The following GLCE variants were observed in gnomAD, a reference collection of about 807,000 sequenced individuals.
The protein encoded by GLCE is D-glucuronyl C5-epimerase.
GLCE carries 19 observed loss-of-function variants against 47.9 expected under a neutral mutation model. The observed-to-expected ratio is 0.40, with a 90% CI of 0.28 to 0.58. The LOEUF (loss-of-function observed/expected upper bound fraction) is 0.58. Ranked by LOEUF, GLCE falls within the 20% of genes least tolerant of loss-of-function variation. GLCE has a pLI of 0.48. For missense variants in GLCE, 556 were observed against 743.3 expected (o/e 0.75, Z 2.93); for synonymous variants, 245 against 263.4 (o/e 0.93, Z 0.68).
chr15:69,223,345 ATTT>A (rs1211697846), intron 2 of GLCE, among the ~76,000 whole-genome samples: 1 of 151,906 alleles, frequency 6.6e-6, no homozygotes. Flanking sequence ...TGTTTGACAG[ATTT>A]TTTTGTTTGT....
chr15:69,247,759 A>C (rs998916094), intron 2 of GLCE, among the ~76,000 whole-genome samples: 1 of 152,188 alleles, frequency 6.6e-6, no homozygotes, highest in Non-Finnish European at 1.5e-5. Context: ...CTCAGAAAAT[A>C]GCAAGGCCCA....
At chr15:69,201,368 T>C (rs1057417046) in intron 1 of GLCE, among the ~76,000 whole-genome samples, 2 of 152,046 alleles carry the variant, frequency 1.3e-5, no homozygotes, top group Admixed American at 6.6e-5. Context: ...TCTTCATTTA[T>C]ACAACAAATT....
intron 1 of GLCE, among the ~76,000 whole-genome samples, chr15:69,184,240 A>T (rs2051790769): frequency 1.3e-5 from 2 of 152,196 alleles, no homozygotes; most frequent in Non-Finnish European, 2.9e-5. Context: ...TTTTTGTTAC[A>T]GCTTCCCAGC....
chr15:69,215,724 A>T (rs928780842), intron 2 of GLCE, among the ~76,000 whole-genome samples: 1 of 152,098 alleles, frequency 6.6e-6, no homozygotes, highest in Admixed American at 6.5e-5. Flanking sequence ...ATATATAAGA[A>T]TTTTTGCTGT....
intron 1 of GLCE, among the ~76,000 whole-genome samples, chr15:69,188,083 C>CA (rs1245568914): frequency 2.7e-4 from 41 of 150,134 alleles, no homozygotes; most frequent in African/African-American, 8.5e-4. Flanking sequence ...AAAACAACAA[C>CA]AACAAAAAAA....
At chr15:69,175,002 G>A (rs1456445326) in intron 1 of GLCE, among the ~76,000 whole-genome samples, 1 of 151,778 alleles carries the variant, frequency 6.6e-6, no homozygotes, top group Non-Finnish European at 1.5e-5. Context: ...AGGATTATAA[G>A]CCCCTTGAAG....
chr15:69,232,366 A>T (rs2052537213), intron 2 of GLCE, among the ~76,000 whole-genome samples: 1 of 152,196 alleles, frequency 6.6e-6, no homozygotes, highest in South Asian at 2.1e-4. Context: ...TGAGATACAT[A>T]TTGTGTTATA....
chr15:69,256,232 G>T lies in GLCE; in HGVS notation c.426G>T (p.Lys142Asn). The T allele has an allele frequency of 1.2e-6, 2 of 1,614,086 alleles. No homozygotes were observed. The highest frequency in any genetic ancestry group is 1.7e-6 in the Non-Finnish European group (2 of 1,180,000). Residue 142 changes from lysine (K) to asparagine (N), a missense_variant, in exon 3 of 5, where the codon AAG becomes AAT. Around this residue, in one of 3 missense-constraint regions of GLCE, gnomAD observed 237 missense variants for 310.9 expected, o/e 0.76. Coordinates refer to ENST00000261858, the MANE Select transcript of GLCE (RefSeq NM_015554.3). ...AGAAATATTTTGATGTTTATGGAAA[G>T]GTGGTTCAGTATGATGGCTATGATC... The part of the protein sequence containing the change: ...WVEKYFDVYG[K>N]VVQYDGYDRF...
At chr15:69,182,222 C>T (rs2051758531) in intron 1 of GLCE, among the ~76,000 whole-genome samples, 1 of 151,694 alleles carries the variant, frequency 6.6e-6, no homozygotes, top group Non-Finnish European at 1.5e-5. Context: ...ATTTGAGGCT[C>T]CTGGCCACGA....
intron 3 of GLCE, among the ~76,000 whole-genome samples, chr15:69,260,252 G>GCTTTTTTTTTTTTTTTTTTTTTTTTTT (rs57452657): frequency 1.3e-5 from 1 of 79,224 alleles, no homozygotes; most frequent in African/African-American, 4.3e-5. Flanking sequence ...GTCACAACTG[G>GCTTTTTTTTTTTTTTTTTTTTTTTTTT]TTTTTTTTTT....
chr15:69,167,762 C>T (rs1277570035), intron 1 of GLCE, among the ~76,000 whole-genome samples: 1 of 150,808 alleles, frequency 6.6e-6, no homozygotes, highest in Non-Finnish European at 1.5e-5. Flanking sequence ...AGAAAAGTTT[C>T]TACTTAAGTC....
chr15:69,260,875 T>C, intron 3 of GLCE: 1 of 493,056 alleles, frequency 2.0e-6, no homozygotes, highest in South Asian at 4.0e-5. Flanking sequence ...TAACAAATAA[T>C]GAATGAGAGT....
At chr15:69,229,528 G>A (rs1265352028) in intron 2 of GLCE, among the ~76,000 whole-genome samples, 1 of 152,106 alleles carries the variant, frequency 6.6e-6, no homozygotes, top group East Asian at 1.9e-4. Flanking sequence ...GGATATAAAA[G>A]TCTTTTTTTC....
intron 1 of GLCE, among the ~76,000 whole-genome samples, chr15:69,162,730 G>A (rs2051443838): frequency 2.0e-5 from 3 of 152,020 alleles, no homozygotes; most frequent in Admixed American, 2.0e-4. Flanking sequence ...GTGCCACCAC[G>A]CCTCACTAAT....
chr15:69,254,649 A>G (rs2052896221), intron 2 of GLCE, among the ~76,000 whole-genome samples: 1 of 152,196 alleles, frequency 6.6e-6, no homozygotes, highest in Non-Finnish European at 1.5e-5. Flanking sequence ...TGAGTGAATA[A>G]GAAAGGGTCA....
intron 1 of GLCE, among the ~76,000 whole-genome samples, chr15:69,174,151 C>T (rs928269715): frequency 1.3e-5 from 2 of 152,204 alleles, no homozygotes; most frequent in Non-Finnish European, 2.9e-5. Flanking sequence ...AGCCACCATA[C>T]CTGGCCTTAG....
chr15:69,227,215 C>CT (rs2052462171), intron 2 of GLCE, among the ~76,000 whole-genome samples: 1 of 152,088 alleles, frequency 6.6e-6, no homozygotes, highest in Non-Finnish European at 1.5e-5. Flanking sequence ...TGCTAAGTCT[C>CT]TAAGATTATG....
intron 1 of GLCE, chr15:69,194,419 C>G (rs2051956422): frequency 6.6e-6 from 1 of 152,132 alleles, no homozygotes; most frequent in African/African-American, 2.4e-5. Context: ...AAAGGAATCT[C>G]TTTTCTCTCT....
At chr15:69,176,975 A>C (rs549313174) in intron 1 of GLCE, among the ~76,000 whole-genome samples, 57 of 152,256 alleles carry the variant, frequency 3.7e-4, no homozygotes, top group Non-Finnish European at 7.8e-4. Context: ...ATGACTTTGA[A>C]AAAAGAAGTG....
Sources: gnomAD v4.1 joint callset for allele counts (sites outside exome capture counted in the v4.1 genomes callset) on GRCh38, gnomAD v4.1.1 for gene constraint, gnomAD v4.1.1 regional missense constraint, MANE v1.5 for transcripts, NCBI Gene and HGNC (gene_info 2026-07-23, HGNC 2026-07-21) for gene names.